Variants in DLGAP1 observed in about 807,000 individuals in gnomAD.
DLGAP1 encodes disks large-associated protein 1.
Under a neutral mutation model 90.8 loss-of-function variants are expected in DLGAP1, and 11 were observed. That is an observed-to-expected ratio of 0.12 (90% CI 0.08 to 0.20). The LOEUF (loss-of-function observed/expected upper bound fraction) is 0.20. Among genes scored for constraint, DLGAP1 ranks in the 10% least tolerant of loss-of-function variants. The pLI, the probability that DLGAP1 is intolerant of heterozygous loss-of-function variation, is 1.00. For missense variants in DLGAP1, 1,050 were observed against 1,333.8 expected, an observed-to-expected ratio of 0.79 and a Z score of 3.31; for synonymous variants, 558 against 540.7, an observed-to-expected ratio of 1.03 and a Z score of -0.44.
intron 10 of DLGAP1, among the ~76,000 whole-genome samples, chr18:3,510,094 TTAAC>T (rs137883972): frequency 0.16 from 24,877 of 152,162 alleles, 2,186 homozygotes; most frequent in Middle Eastern, 0.27. Context: ...CTTTTCCTCT[TTAAC>T]TAATAAATCA....
intron 7 of DLGAP1, among the ~76,000 whole-genome samples, chr18:3,689,659 T>G (rs1177188355): frequency 6.6e-6 from 1 of 152,192 alleles, no homozygotes; most frequent in Admixed American, 6.5e-5. Context: ...TGTCTAGGTC[T>G]AGGACCCACA....
chr18:3,963,886 C>G (rs1295384910), intron 3 of DLGAP1, among the ~76,000 whole-genome samples: 1 of 152,130 alleles, frequency 6.6e-6, no homozygotes, highest in Non-Finnish European at 1.5e-5. Flanking sequence ...AGGTAAAGCC[C>G]TTAAGAATAA....
intron 4 of DLGAP1, among the ~76,000 whole-genome samples, chr18:3,832,423 G>T (rs963115786): frequency 6.6e-6 from 1 of 152,092 alleles, no homozygotes; most frequent in African/African-American, 2.4e-5. Flanking sequence ...TCCTAGTAAC[G>T]ATGCTGGCTT....
chr18:4,162,016 T>C (rs964246129), intron 1 of DLGAP1, among the ~76,000 whole-genome samples: 15 of 152,114 alleles, frequency 9.9e-5, no homozygotes, highest in African/African-American at 3.6e-4. Flanking sequence ...TGTCATTGTG[T>C]CTTAAAAAAA....
At chr18:4,234,040 T>G (rs1230707271) in intron 1 of DLGAP1, among the ~76,000 whole-genome samples, 1 of 152,042 alleles carries the variant, frequency 6.6e-6, no homozygotes, top group Non-Finnish European at 1.5e-5. Flanking sequence ...TCCAGTCATC[T>G]ATAAAAAATG....
intron 1 of DLGAP1, among the ~76,000 whole-genome samples, chr18:4,360,899 G>T (rs1283337416): frequency 6.6e-6 from 1 of 151,936 alleles, no homozygotes; most frequent in Non-Finnish European, 1.5e-5. Flanking sequence ...AGAATCACTT[G>T]AACCCAACAG....
At chr18:4,391,405 T>C (rs1408600768) in intron 1 of DLGAP1, among the ~76,000 whole-genome samples, 1 of 152,182 alleles carries the variant, frequency 6.6e-6, no homozygotes, top group Non-Finnish European at 1.5e-5. Flanking sequence ...CTCAATTTCT[T>C]GCTTAAGAAA....
intron 2 of DLGAP1, among the ~76,000 whole-genome samples, chr18:4,148,851 ATCT>A (rs1314476673): frequency 6.6e-5 from 10 of 152,194 alleles, no homozygotes; most frequent in African/African-American, 2.4e-4. Context: ...TGAGCATATG[ATCT>A]TCTAGGTCAC....
At chr18:4,103,978 T>C (rs1429314591) in intron 2 of DLGAP1, among the ~76,000 whole-genome samples, 6 of 152,176 alleles carry the variant, frequency 3.9e-5, no homozygotes, top group Admixed American at 1.3e-4. Context: ...TACATCCACA[T>C]TTACAAGTGA....
chr18:3,936,049 T>A (rs989384282), intron 3 of DLGAP1, among the ~76,000 whole-genome samples: 128 of 152,296 alleles, frequency 8.4e-4, no homozygotes, highest in African/African-American at 3.0e-3. Flanking sequence ...CATTCCAGCC[T>A]CTGCTGGGGT....
intron 7 of DLGAP1, among the ~76,000 whole-genome samples, chr18:3,643,662 CAAAAAAAA>C (rs538678987): frequency 1.5e-5 from 1 of 65,026 alleles, no homozygotes; most frequent in Middle Eastern, 0.012. Context: ...GACTCCATCT[CAAAAAAAA>C]AAAAAAAAAA....
At chr18:3,830,409 C>T (rs1231449599) in intron 4 of DLGAP1, among the ~76,000 whole-genome samples, 1 of 152,036 alleles carries the variant, frequency 6.6e-6, no homozygotes, top group Non-Finnish European at 1.5e-5. Flanking sequence ...ATTAAAGATA[C>T]AAAAAATTAG....
intron 2 of DLGAP1, among the ~76,000 whole-genome samples, chr18:4,133,144 G>A (rs1280663862): frequency 6.6e-6 from 1 of 152,100 alleles, no homozygotes; most frequent in African/African-American, 2.4e-5. Context: ...GTGGAGGAGA[G>A]ACTCAGCCTC....
intron 2 of DLGAP1, among the ~76,000 whole-genome samples, chr18:4,137,209 G>A (rs943192013): frequency 4.6e-5 from 7 of 152,126 alleles, no homozygotes; most frequent in Admixed American, 2.0e-4. Flanking sequence ...TTTCATCCAT[G>A]TACCTACAAA....
intron 3 of DLGAP1, among the ~76,000 whole-genome samples, chr18:3,985,148 A>C (rs1411281199): frequency 6.6e-6 from 1 of 152,164 alleles, no homozygotes; most frequent in Non-Finnish European, 1.5e-5. Flanking sequence ...GAGTTCCTCT[A>C]ACATATCCTG....
At chr18:3,666,243 A>ATT (rs1407053485) in intron 7 of DLGAP1, among the ~76,000 whole-genome samples, 3 of 152,228 alleles carry the variant, frequency 2.0e-5, no homozygotes, top group African/African-American at 7.2e-5. Flanking sequence ...TTTGCAAATA[A>ATT]TATCACAAAA....
intron 2 of DLGAP1, among the ~76,000 whole-genome samples, chr18:4,046,032 C>T (rs976190545): frequency 6.6e-6 from 1 of 152,114 alleles, no homozygotes; most frequent in Non-Finnish European, 1.5e-5. Context: ...GTTTATCTTA[C>T]AGCACTAAAA....
At chr18:4,093,270 T>C (rs1168786880) in intron 2 of DLGAP1, among the ~76,000 whole-genome samples, 1 of 152,050 alleles carries the variant, frequency 6.6e-6, no homozygotes, top group African/African-American at 2.4e-5. Context: ...CAGGGATAAT[T>C]AAAAAAAGGA....
chr18:4,290,960 T>G (rs891069075), intron 1 of DLGAP1, among the ~76,000 whole-genome samples: 3 of 152,188 alleles, frequency 2.0e-5, no homozygotes, highest in African/African-American at 7.2e-5. Context: ...GAGCATTTGA[T>G]AACACAAACT....
Sources: allele counts gnomAD v4.1 joint callset (sites outside exome capture counted in the v4.1 genomes callset), GRCh38; gene constraint gnomAD v4.1.1; transcripts MANE v1.5; gene names NCBI Gene and HGNC (gene_info 2026-07-23, HGNC 2026-07-21).